Variants in KCNAB1 observed in about 807,000 individuals in gnomAD.
KCNAB1 encodes the protein potassium voltage-gated channel subfamily A regulatory beta subunit 1.
A neutral mutation model predicts 64.6 loss-of-function variants in KCNAB1; 35 were observed. The ratio of observed to expected loss-of-function variants is 0.54; its 90% confidence interval spans 0.41 to 0.72. The LOEUF (loss-of-function observed/expected upper bound fraction) is 0.72, where lower values mean the gene tolerates loss of function less well. KCNAB1 is among the 30% of genes least tolerant of loss of function. The probability of loss-of-function intolerance (pLI) is 0.00; values close to 1 mark genes in which losing one functional copy is unlikely to be tolerated. For missense variants in KCNAB1, 401 were observed against 512.9 expected (o/e 0.78, Z 2.11); for synonymous variants, 177 against 183.8 (o/e 0.96, Z 0.30).
At chr3:156,512,089 G>A (rs554649728) in intron 8 of KCNAB1, among the ~76,000 whole-genome samples, 65 of 152,120 alleles carry the variant, frequency 4.3e-4, no homozygotes, top group Non-Finnish European at 8.2e-4. Flanking sequence ...TTCATTTCCT[G>A]TCCCAGTCCC....
At chr3:156,350,665 C>A (rs1426364480) in intron 1 of KCNAB1, among the ~76,000 whole-genome samples, 1 of 152,124 alleles carries the variant, frequency 6.6e-6, no homozygotes, top group African/African-American at 2.4e-5. Context: ...GCTTCATAAC[C>A]TTTGCCTCCT....
intron 1 of KCNAB1, among the ~76,000 whole-genome samples, chr3:156,312,944 C>T (rs1181308391): frequency 6.6e-6 from 1 of 152,198 alleles, no homozygotes; most frequent in South Asian, 2.1e-4. Context: ...GATCAACTAG[C>T]CCTGAGGAAT....
intron 2 of KCNAB1, among the ~76,000 whole-genome samples, chr3:156,422,583 A>T (rs1715534743): frequency 6.6e-6 from 1 of 152,244 alleles, no homozygotes; most frequent in South Asian, 2.1e-4. Flanking sequence ...TAGGGAGATT[A>T]GGAGATTGAT....
chr3:156,408,441 T>G (rs1362190848), intron 1 of KCNAB1, among the ~76,000 whole-genome samples: 2 of 152,198 alleles, frequency 1.3e-5, no homozygotes, highest in Admixed American at 6.5e-5. Context: ...CAAGAGTGCC[T>G]ACTCAGAATG....
chr3:156,312,731 A>AAAC (rs1722007557), intron 1 of KCNAB1, among the ~76,000 whole-genome samples: 1 of 144,526 alleles, frequency 6.9e-6, no homozygotes, highest in African/African-American at 2.7e-5. Context: ...AAAAAAAAAA[A>AAAC]CTCATAATAA....
In KCNAB1 at chr3:156,465,521, TCC is replaced by T; in HGVS notation, c.528-120_528-119del. The T allele has an allele frequency of 4.8e-6, 3 of 622,432 alleles. No homozygotes were observed. The South Asian group carries it at 6.3e-5, about 13-fold the overall frequency. The allele number at this position is 622,432 out of a possible 1,614,324, so 38.6% of individuals were successfully genotyped here. On this transcript the variant is annotated intron_variant, in intron 6 of 13. Transcript: ENST00000490337. The stretch of plus-strand genomic sequence containing the variant: ...GCCCACCAGACTTCTCTCCTTAGCC[TCC>T]CTCCAGTGGTGTAGAATTTGATAAG...
At chr3:156,459,684 CTG>C in intron 4 of KCNAB1, 141 bp from the exon 5 acceptor site, 1 of 576,246 alleles carries the variant, frequency 1.7e-6, no homozygotes, top group Non-Finnish European at 3.0e-6. Flanking sequence ...ACAGCGGAAA[CTG>C]TGCTACCAGC....
At chr3:156,530,489 G>C (rs935711487) in intron 12 of KCNAB1, among the ~76,000 whole-genome samples, 2 of 152,162 alleles carry the variant, frequency 1.3e-5, no homozygotes, top group Non-Finnish European at 2.9e-5. Context: ...AAAGAAAGAT[G>C]ACCAAGGGCA....
At chr3:156,259,671 C>T (rs910357166) in intron 1 of KCNAB1, among the ~76,000 whole-genome samples, 2 of 152,182 alleles carry the variant, frequency 1.3e-5, no homozygotes, top group African/African-American at 4.8e-5. Flanking sequence ...CTGAGTTGTT[C>T]CTTGCCCATC....
intron 8 of KCNAB1, among the ~76,000 whole-genome samples, chr3:156,484,234 G>A (rs1715039433): frequency 6.6e-6 from 1 of 152,006 alleles, no homozygotes; most frequent in African/African-American, 2.4e-5. Context: ...AGTTAAAAAA[G>A]GAAAAACAAG....
intron 1 of KCNAB1, among the ~76,000 whole-genome samples, chr3:156,342,110 C>G (rs1436853964): frequency 1.3e-5 from 2 of 152,144 alleles, no homozygotes; most frequent in African/African-American, 2.4e-5. Context: ...ATGCCTGATG[C>G]CTTCAATAAT....
intron 1 of KCNAB1, among the ~76,000 whole-genome samples, chr3:156,361,692 T>A (rs1349240386): frequency 6.6e-6 from 1 of 152,102 alleles, no homozygotes; most frequent in Non-Finnish European, 1.5e-5. Flanking sequence ...TAGGCTGGAG[T>A]GCAGCCTAAG....
intron 1 of KCNAB1, among the ~76,000 whole-genome samples, chr3:156,335,202 C>G (rs1421381660): frequency 6.6e-6 from 1 of 152,210 alleles, no homozygotes; most frequent in Non-Finnish European, 1.5e-5. Context: ...CTTGGCATTC[C>G]TTCAATCCAG....
intron 2 of KCNAB1, among the ~76,000 whole-genome samples, chr3:156,438,651 A>G (rs1055649124): frequency 6.6e-6 from 1 of 152,216 alleles, no homozygotes; most frequent in African/African-American, 2.4e-5. Context: ...GTATGCTTGT[A>G]CTAGTACTAT....
At chr3:156,230,312 C>A (rs555240105) in intron 1 of KCNAB1, among the ~76,000 whole-genome samples, 3 of 152,292 alleles carry the variant, frequency 2.0e-5, no homozygotes, top group East Asian at 3.9e-4. Context: ...CATTGTGTTA[C>A]AATTGCCTAT....
At chr3:156,204,952 A>C (rs1714563326) in intron 1 of KCNAB1, among the ~76,000 whole-genome samples, 1 of 152,216 alleles carries the variant, frequency 6.6e-6, no homozygotes, top group Admixed American at 6.5e-5. Flanking sequence ...TTTTTTAAAA[A>C]TTGTGGTATT....
intron 1 of KCNAB1, among the ~76,000 whole-genome samples, chr3:156,178,768 G>A (rs1164717105): frequency 6.6e-6 from 1 of 152,010 alleles, no homozygotes; most frequent in African/African-American, 2.4e-5. Context: ...TTGGGAGGCC[G>A]AGACGGGCGG....
intron 12 of KCNAB1, among the ~76,000 whole-genome samples, chr3:156,530,527 G>A (rs1176845115): frequency 6.6e-6 from 1 of 152,112 alleles, no homozygotes. Flanking sequence ...GCTGGCTAAA[G>A]CCAGCTGGGA....
chr3:156,267,079 T>TA (rs1383807854), intron 1 of KCNAB1, among the ~76,000 whole-genome samples: 1 of 152,154 alleles, frequency 6.6e-6, no homozygotes, highest in Non-Finnish European at 1.5e-5. Context: ...AAATTGCCCC[T>TA]AATCCCAGTA....
Sources: gnomAD v4.1 joint callset for allele counts (sites outside exome capture counted in the v4.1 genomes callset) on GRCh38, gnomAD v4.1.1 for gene constraint, MANE v1.5 for transcripts, NCBI Gene and HGNC (gene_info 2026-07-23, HGNC 2026-07-21) for gene names.